Variants in ARMH4 observed in about 807,000 individuals in gnomAD.
ARMH4 encodes the protein armadillo like helical domain containing 4, also known as armadillo-like helical domain-containing protein 4.
ARMH4 carries 49 observed loss-of-function variants against 61.9 expected under a neutral mutation model. The observed-to-expected ratio is 0.79, with a 90% CI of 0.63 to 1.00. ARMH4 has a LOEUF of 1.00. Among genes scored for constraint, ARMH4 ranks in the 50% least tolerant of loss-of-function variants. ARMH4 has a pLI of 0.00. For synonymous variants in ARMH4, 368 were observed against 341.5 expected, an observed-to-expected ratio of 1.08 and a Z score of -0.85; for missense variants, 934 against 930.0, an observed-to-expected ratio of 1.00 and a Z score of -0.06.
chr14:58,044,386 T>G (rs894990315), intron 5 of ARMH4, among the ~76,000 whole-genome samples: 2 of 152,202 alleles, frequency 1.3e-5, no homozygotes, highest in Admixed American at 1.3e-4. Flanking sequence ...ATTTAACAAA[T>G]GGTGCTGGGA....
chr14:58,054,751 A>T (rs1279582224), intron 5 of ARMH4, among the ~76,000 whole-genome samples: 1 of 151,954 alleles, frequency 6.6e-6, no homozygotes, highest in Non-Finnish European at 1.5e-5. Context: ...TACAAAAAAT[A>T]GCTGGGCTTG....
At chr14:58,091,018 A>G (rs896137081) in intron 5 of ARMH4, among the ~76,000 whole-genome samples, 1 of 151,910 alleles carries the variant, frequency 6.6e-6, no homozygotes, top group Non-Finnish European at 1.5e-5. Flanking sequence ...GGAGTTCGAG[A>G]TCAGCCTGGG....
intron 5 of ARMH4, among the ~76,000 whole-genome samples, chr14:58,024,095 A>G (rs369932295): frequency 2.3e-4 from 35 of 152,338 alleles, no homozygotes; most frequent in East Asian, 1.9e-3. Context: ...TAAAGTCACC[A>G]GTGGCATTAG....
chr14:58,147,006 T>C (rs1274306955), intron 1 of ARMH4, among the ~76,000 whole-genome samples: 1 of 152,202 alleles, frequency 6.6e-6, no homozygotes, highest in Non-Finnish European at 1.5e-5. Context: ...TCTTATGATA[T>C]ACACAAAAAC....
chr14:58,131,506 G>A lies in ARMH4; in HGVS notation c.1831+6C>T, dbSNP rs2139956765. On this transcript the variant is annotated splice_donor_region_variant and intron_variant, in intron 4 of 7. Coordinates refer to ENST00000267485, the MANE Select transcript of ARMH4 (RefSeq NM_001001872.4). ...CTTGAAAAGATCCCCTTCAAAGCAT[G>A]AATACCTTCAGATTCAAGTTGGTCC... 6.2e-7 allele frequency: 1 copy of A among 1,610,820 alleles called. No individual in the cohort carries two copies. Among genetic ancestry groups the A allele is most frequent in the South Asian group, 1.1e-5 (1 of 90,884 alleles).
intron 4 of ARMH4, among the ~76,000 whole-genome samples, chr14:58,121,023 T>C (rs1478913813): frequency 6.6e-6 from 1 of 152,182 alleles, no homozygotes; most frequent in African/African-American, 2.4e-5. Context: ...TTGTAGGGCA[T>C]GGCTCTCCAG....
intron 1 of ARMH4, among the ~76,000 whole-genome samples, chr14:58,148,284 A>G (rs961778247): frequency 6.6e-6 from 1 of 152,130 alleles, no homozygotes; most frequent in Admixed American, 6.5e-5. Context: ...TGGCTTCGTG[A>G]TCCACCCACC....
intron 4 of ARMH4, among the ~76,000 whole-genome samples, chr14:58,102,728 G>A (rs1244214720): frequency 4.1e-5 from 6 of 147,818 alleles, no homozygotes; most frequent in African/African-American, 7.5e-5. Context: ...GGAGAATGGC[G>A]TGAACCCGGG....
At chr14:58,007,253 AC>A (rs1882211814) in intron 6 of ARMH4, among the ~76,000 whole-genome samples, 1 of 152,152 alleles carries the variant, frequency 6.6e-6, no homozygotes, top group Non-Finnish European at 1.5e-5. Flanking sequence ...CATACCAACA[AC>A]ATCGGTACTC....
In ARMH4 at chr14:58,139,432, A is replaced by G. The variant is rs1269791296; in HGVS notation, c.-56-18T>C. On this transcript the variant is annotated intron_variant, in intron 1 of 7. Transcript: ENST00000267485. Reference sequence around the variant, plus strand: ...ATTGAATCCTGCAGAAAAATAAAGCATATCAAACTGTCATATAAATACATG... The same window carrying G: ...ATTGAATCCTGCAGAAAAATAAAGCGTATCAAACTGTCATATAAATACATG... The G allele has an allele frequency of 7.3e-7, 1 of 1,361,448 alleles. No individual in the cohort carries two copies. The highest frequency in any genetic ancestry group is 1.4e-5 in the African/African-American group (1 of 69,448). 84.3% of individuals were successfully genotyped at this position (1,361,448 alleles called of 1,614,324 possible). A position where few individuals can be genotyped will look rare whatever the true frequency, so the allele number is the denominator to read the frequency against.
At chr14:58,127,894 C>T (rs546243312) in intron 4 of ARMH4, among the ~76,000 whole-genome samples, 1 of 152,308 alleles carries the variant, frequency 6.6e-6, no homozygotes, top group South Asian at 2.1e-4. Context: ...GACTTAATCA[C>T]AAGATCTGAG....
intron 5 of ARMH4, among the ~76,000 whole-genome samples, chr14:58,071,484 G>A (rs908082449): frequency 1.3e-5 from 2 of 152,034 alleles, no homozygotes; most frequent in Non-Finnish European, 2.9e-5. Context: ...GCAATAGCCA[G>A]TTCTTTATTG....
At position 58,139,089 on chromosome 14, in the gene ARMH4, G is replaced by T; in HGVS notation, c.270C>A (p.Phe90Leu). 6.2e-7 allele frequency: 1 copy of T among 1,614,232 alleles called. No individual in the cohort carries two copies. Among genetic ancestry groups the T allele is most frequent in the Non-Finnish European group, 8.5e-7 (1 of 1,180,036 alleles). ...VPSATSLNKA[F>L]SINKETQPGQ... ...CAGGCTGGGTTTCTTTGTTAATCGAGAATGCTTTATTTAATGATGTTGCCG... is the reference window on the plus strand; with the variant it reads ...CAGGCTGGGTTTCTTTGTTAATCGATAATGCTTTATTTAATGATGTTGCCG... Residue 90 changes from phenylalanine to leucine, a missense_variant, in exon 2 of 8, where the codon TTC becomes TTA. By Grantham distance (22) the Phe-to-Leu change is conservative (BLOSUM62 0). Coordinates refer to ENST00000267485, the MANE Select transcript of ARMH4 (RefSeq NM_001001872.4).
chr14:58,076,852 T>G lies in ARMH4; in HGVS notation c.2089+19872A>C, dbSNP rs146404578. On this transcript the variant is annotated intron_variant, in intron 5 of 7. Transcript: ENST00000267485. ...TGGGAGCAACTAACTGCTAACTGAC[T>G]GTTCACCAGCCACCCTGCCAAGAAT... Among the ~76,000 whole-genome samples the G allele has an allele frequency of 2.0e-5, 3 of 152,240 alleles. No individual in the cohort carries two copies. The East Asian group carries it at 5.8e-4, about 29-fold the overall frequency.
At chr14:58,004,941 G>T in intron 7 of ARMH4, 107 bp downstream of exon 7, 2 of 1,555,636 alleles carry the variant, frequency 1.3e-6, no homozygotes, top group Non-Finnish European at 1.8e-6. Flanking sequence ...CACTGGGCAC[G>T]TCAATACCAC....
intron 5 of ARMH4, among the ~76,000 whole-genome samples, chr14:58,063,480 A>G (rs188546000): frequency 1.9e-4 from 29 of 152,338 alleles, no homozygotes; most frequent in Middle Eastern, 3.4e-3. Flanking sequence ...AAGATGGGAA[A>G]GAAGATTCAT....
intron 5 of ARMH4, among the ~76,000 whole-genome samples, chr14:58,040,881 G>A (rs1270766493): frequency 1.3e-5 from 2 of 152,194 alleles, no homozygotes; most frequent in East Asian, 1.9e-4. Flanking sequence ...TTCTAAGGGA[G>A]AATGCCCTCT....
At chr14:58,094,167 TA>T (rs1300532464) in intron 5 of ARMH4, among the ~76,000 whole-genome samples, 2 of 151,636 alleles carry the variant, frequency 1.3e-5, no homozygotes, top group Admixed American at 1.3e-4. Flanking sequence ...CTGTCTCTAC[TA>T]AAAATACAAA....
At position 58,044,462 on chromosome 14, in the gene ARMH4, A is replaced by T. The variant is rs966235331; in HGVS notation, c.2090-32312T>A. Among the ~76,000 whole-genome samples, 20 of 152,344 alleles carry T rather than the reference A, an allele frequency of 1.3e-4. 1 individual carries two copies. Among genetic ancestry groups the T allele is most frequent in the African/African-American group, 4.8e-4 (20 of 41,594 alleles). ...TTCCTTACACCTTATACAAAAATTA[A>T]TTCAAGATGGATTAAAGACTTAAAT... On this transcript the variant is annotated intron_variant, in intron 5 of 7. Transcript: ENST00000267485.
Sources: gnomAD v4.1 joint callset for allele counts (sites outside exome capture counted in the v4.1 genomes callset) on GRCh38, gnomAD v4.1.1 for gene constraint, MANE v1.5 for transcripts, NCBI Gene and HGNC (gene_info 2026-07-23, HGNC 2026-07-21) for gene names.